Variants in MCM5 observed in about 807,000 individuals in gnomAD.
MCM5 encodes DNA replication licensing factor MCM5.
Under a neutral mutation model 79.9 loss-of-function variants are expected in MCM5, and 46 were observed. The observed-to-expected ratio is 0.58, with a 90% CI of 0.45 to 0.74. The LOEUF (loss-of-function observed/expected upper bound fraction) is 0.74, where lower values mean the gene tolerates loss of function less well. Ranked by LOEUF, MCM5 falls within the 30% of genes least tolerant of loss-of-function variation. The pLI, the probability that MCM5 is intolerant of heterozygous loss-of-function variation, is 0.00. For synonymous variants in MCM5, 404 were observed against 390.5 expected, an observed-to-expected ratio of 1.03 and a Z score of -0.41; for missense variants, 883 against 1,017.0, an observed-to-expected ratio of 0.87 and a Z score of 1.79.
intron 15 of MCM5, 144 bp from the exon 16 acceptor site, chr22:35,423,070 A>G: frequency 1.2e-6 from 1 of 814,092 alleles, no homozygotes; most frequent in Non-Finnish European, 1.9e-6. Context: ...TCAGGCCTGC[A>G]CCACCCTGGC....
the MCM5 span, among the ~76,000 whole-genome samples, chr22:35,440,132 G>C: frequency 1.3e-5 from 2 of 152,218 alleles, no homozygotes; most frequent in East Asian, 3.8e-4. Context: ...TGGGGTCCTA[G>C]CACTTCCCCT....
downstream of MCM5, among the ~76,000 whole-genome samples, chr22:35,429,608 C>T (rs541881906): frequency 4.6e-5 from 7 of 151,998 alleles, no homozygotes; most frequent in East Asian, 1.4e-3. Flanking sequence ...GCTCTCTTGG[C>T]TCACTGCAAC....
the MCM5 span, among the ~76,000 whole-genome samples, chr22:35,443,716 C>T: frequency 6.6e-6 from 1 of 152,244 alleles, no homozygotes; most frequent in East Asian, 1.9e-4. Context: ...GCCTCCTGCA[C>T]AGTGGGGGCC....
chr22:35,417,800 T>C lies in MCM5; in HGVS notation c.1647T>C (p.Ala549=), dbSNP rs1285803572. 2 of 1,614,200 alleles carry C rather than the reference T, an allele frequency of 1.2e-6. No individual in the cohort carries two copies. Among genetic ancestry groups the C allele is most frequent in the Non-Finnish European group, 1.7e-6 (2 of 1,180,022 alleles). ...TGAGCGCACTGACACAGACACAGGC[T>C]GTGGAGGGCGAGATTGACCTGGCCA... ...LHVSALTQTQ[A]VEGEIDLAKL... Residue 549 remains alanine, a synonymous_variant, in exon 13 of 17, where the codon GCT becomes GCC. Transcript: ENST00000216122.
intron 15 of MCM5, chr22:35,421,922 GCTGGAATGCAAGTCTC>G (rs1932705248): frequency 7.3e-6 from 2 of 275,130 alleles, no homozygotes; most frequent in Non-Finnish European, 1.4e-5. Context: ...CAGTCGCTTG[GCTGGAATGCAAGTCTC>G]CTGGCCCCTA....
At chr22:35,442,871 T>G in the MCM5 span, among the ~76,000 whole-genome samples, 1 of 152,228 alleles carries the variant, frequency 6.6e-6, no homozygotes, top group Non-Finnish European at 1.5e-5. Context: ...GGGCTCTGTT[T>G]GTTTCCCATT....
At chr22:35,448,391 C>G in the MCM5 span, among the ~76,000 whole-genome samples, 1 of 141,702 alleles carries the variant, frequency 7.1e-6, no homozygotes, top group East Asian at 1.9e-4. Context: ...TCTGCAGAGT[C>G]CTCCCCACTG....
chr22:35,409,669 T>G (rs1428518532), intron 6 of MCM5: 3 of 152,210 alleles, frequency 2.0e-5, no homozygotes, highest in East Asian at 3.9e-4. Context: ...GATCTTTGAT[T>G]AGGGTTCTAA....
chr22:35,449,570 T>TGGCCCCTCTGTCCCAGCC, the MCM5 span, among the ~76,000 whole-genome samples: 1 of 150,290 alleles, frequency 6.7e-6, no homozygotes, highest in Non-Finnish European at 1.5e-5. Flanking sequence ...TTGTCCCAGC[T>TGGCCCCTCTGTCCCAGCC]GTGGCCTCTC....
the MCM5 span, among the ~76,000 whole-genome samples, chr22:35,439,910 C>T: frequency 6.6e-6 from 1 of 152,254 alleles, no homozygotes; most frequent in Non-Finnish European, 1.5e-5. Context: ...GTGTTGGCTG[C>T]ACCCACCTTC....
At chr22:35,412,415 C>T in intron 7 of MCM5, 95 bp from the exon 8 acceptor site, 3 of 1,097,232 alleles carry the variant, frequency 2.7e-6, no homozygotes, top group South Asian at 4.2e-5. Context: ...CCTAAGGGCT[C>T]TGCCTTCTGG....
downstream of MCM5, among the ~76,000 whole-genome samples, chr22:35,428,319 G>C (rs1932790970): frequency 6.6e-6 from 1 of 151,414 alleles, no homozygotes; most frequent in African/African-American, 2.4e-5. Flanking sequence ...ACTGCACCTG[G>C]CCTATTTTAT....
At chr22:35,416,542 T>TAAAC in intron 11 of MCM5, 96 bp from the exon 12 acceptor site, 3 of 778,116 alleles carry the variant, frequency 3.9e-6, no homozygotes, top group Non-Finnish European at 6.5e-6. Flanking sequence ...TGTGTGTGTG[T>TAAAC]GTGTGTGTGT....
downstream of MCM5, among the ~76,000 whole-genome samples, chr22:35,430,151 T>C (rs1263936948): frequency 6.6e-6 from 1 of 152,220 alleles, no homozygotes; most frequent in Non-Finnish European, 1.5e-5. Flanking sequence ...TTCAGGGGCC[T>C]GCAGAGAATG....
At chr22:35,439,569 G>A in the MCM5 span, among the ~76,000 whole-genome samples, 29,420 of 152,028 alleles carry the variant, frequency 0.19, 4,325 homozygotes, top group African/African-American at 0.41. Flanking sequence ...ACAATGTGTA[G>A]CAGGGACAAA....
chr22:35,450,930 CAA>C, the MCM5 span, among the ~76,000 whole-genome samples: 7 of 152,294 alleles, frequency 4.6e-5, no homozygotes, highest in Admixed American at 1.3e-4. Flanking sequence ...CCTCAGGAAA[CAA>C]AGAGAGTCCA....
At chr22:35,433,437 A>T in the MCM5 span, among the ~76,000 whole-genome samples, 1 of 152,074 alleles carries the variant, frequency 6.6e-6, no homozygotes, top group African/African-American at 2.4e-5. Flanking sequence ...GCATGCTCAC[A>T]AACAGTCTGT....
rs200021712 is a variant in MCM5 at position 35,406,629 on chromosome 22, G to A, written c.500G>A (p.Arg167His). Residue 167 changes from arginine to histidine, a missense_variant, in exon 5 of 17, where the codon CGC becomes CAC. Arg to His is a conservative substitution (Grantham distance 29, BLOSUM62 0). This residue lies in a region of MCM5 where 455 missense variants were observed against 517.5 expected (regional missense o/e 0.88). Transcript: ENST00000216122. ...TCTGCGGTCCGTGCCAAGGCCACCC[G>A]CATCTCTATCCAGTGCCGCAGCTGC... ...AASAVRAKAT[R>H]ISIQCRSCRN... 1.1e-4 allele frequency: 171 copies of A among 1,613,074 alleles called. No homozygotes were observed. The highest frequency in any genetic ancestry group is 7.4e-4 in the East Asian group (33 of 44,884).
At chr22:35,442,355 A>C in the MCM5 span, among the ~76,000 whole-genome samples, 1 of 152,014 alleles carries the variant, frequency 6.6e-6, no homozygotes, top group East Asian at 1.9e-4. Context: ...GCTACTAAAA[A>C]AGAAAAAAAA....
Sources: allele counts gnomAD v4.1 joint callset (sites outside exome capture counted in the v4.1 genomes callset), GRCh38; gene constraint gnomAD v4.1.1; regional missense constraint gnomAD v4.1.1; transcripts MANE v1.5; gene names NCBI Gene and HGNC (gene_info 2026-07-23, HGNC 2026-07-21).